The following NTRK2 variants were observed in gnomAD, a reference collection of about 807,000 sequenced individuals.
NTRK2 encodes the protein neurotrophic receptor tyrosine kinase 2.
Under a neutral mutation model 94.5 loss-of-function variants are expected in NTRK2, and 13 were observed. The observed-to-expected ratio is 0.14, with a 90% CI of 0.09 to 0.22. The LOEUF is 0.22. Ranked by LOEUF, NTRK2 falls within the 10% of genes least tolerant of loss-of-function variation. The pLI is 1.00. For synonymous variants in NTRK2, 372 were observed against 407.4 expected (o/e 0.91, Z 1.05); for missense variants, 639 against 1,071.2 (o/e 0.60, Z 5.63).
At position 84,727,973 on chromosome 9, in the gene NTRK2, A is replaced by G; in HGVS notation, c.1159+14A>G. On this transcript the variant is annotated intron_variant, in intron 9 of 18. Coordinates refer to ENST00000277120, the MANE Select transcript of NTRK2 (RefSeq NM_006180.6). Reference sequence around the variant, plus strand: ...GAATTGACGATGGTGAGTAACTGACACTTTTGTATGTGGGGAGAAGATAAA... The same window carrying G: ...GAATTGACGATGGTGAGTAACTGACGCTTTTGTATGTGGGGAGAAGATAAA... 1 of 1,611,394 alleles carries G rather than the reference A, an allele frequency of 6.2e-7. No homozygotes were observed. The highest frequency in any genetic ancestry group is 8.5e-7 in the Non-Finnish European group (1 of 1,177,560).
intron 12 of NTRK2, among the ~76,000 whole-genome samples, chr9:84,800,410 A>G (rs1415431922): frequency 2.0e-5 from 3 of 152,186 alleles, no homozygotes; most frequent in African/African-American, 7.2e-5. Context: ...CATGTTGGCC[A>G]GGCTGGTCTT....
intron 12 of NTRK2, among the ~76,000 whole-genome samples, chr9:84,772,825 G>A (rs547282790): frequency 6.6e-6 from 1 of 152,276 alleles, no homozygotes; most frequent in African/African-American, 2.4e-5. Flanking sequence ...GCTCGTGTTG[G>A]GGTGGCATGG....
At chr9:84,742,044 A>C in intron 10 of NTRK2, 117 bp downstream of exon 10, 1 of 839,814 alleles carries the variant, frequency 1.2e-6, no homozygotes. Flanking sequence ...TAAGCATTAC[A>C]TAGGCCAAAA....
chr9:84,811,090 C>T, intron 12 of NTRK2: 1 of 1,069,470 alleles, frequency 9.4e-7, no homozygotes, highest in Non-Finnish European at 1.1e-6. Flanking sequence ...GCACTGAATT[C>T]AGAGGGTTTG....
Position 84,802,183 on chromosome 9 carries a change from AGT to A in NTRK2, c.1396+50101_1396+50102del, listed in dbSNP as rs1387697225. Among the ~76,000 whole-genome samples, 3 of 152,060 alleles carry A rather than the reference AGT, an allele frequency of 2.0e-5. No individual in the cohort carries two copies. The East Asian group carries it at 5.8e-4, about 29-fold the overall frequency. On this transcript the variant is annotated intron_variant, in intron 12 of 18. Coordinates refer to ENST00000277120, the MANE Select transcript of NTRK2 (RefSeq NM_006180.6). Reference sequence around the variant, plus strand: ...AAAATCTAAAATGCATTTTTTTTCCAGTGTCTTAGGTCTGGTTGATTTTTAGC... The same window carrying A: ...AAAATCTAAAATGCATTTTTTTTCCAGTCTTAGGTCTGGTTGATTTTTAGC...
chr9:84,668,533 T>G (rs1164012374), upstream of NTRK2: 1 of 152,214 alleles, frequency 6.6e-6, no homozygotes, highest in Non-Finnish European at 1.5e-5. Flanking sequence ...GAAAAACAGA[T>G]TCCGAGCCGC....
chr9:84,931,144 C>T (rs1398355753), intron 14 of NTRK2, among the ~76,000 whole-genome samples: 1 of 152,188 alleles, frequency 6.6e-6, no homozygotes, highest in African/African-American at 2.4e-5. Context: ...CGGTGGCTCA[C>T]ACCTGTAATC....
intron 2 of NTRK2, among the ~76,000 whole-genome samples, chr9:84,691,888 G>C (rs1429244880): frequency 6.6e-6 from 1 of 152,160 alleles, no homozygotes; most frequent in African/African-American, 2.4e-5. Context: ...TGGTCCTCTT[G>C]TGAGCCTGCC....
At position 84,692,274 on chromosome 9, in the gene NTRK2, G is replaced by GTA. The variant is rs534037854; in HGVS notation, c.213-9883_213-9882dup. On this transcript the variant is annotated intron_variant, in intron 2 of 18. Transcript: ENST00000277120. ...CCATCCCTTGCTTCTCCTGGGAATTGTATTTACCATTATACCAACTATCAA... is the reference window on the plus strand; with the variant it reads ...CCATCCCTTGCTTCTCCTGGGAATTGTATATTTACCATTATACCAACTATCAA... Among the ~76,000 whole-genome samples, 261 of 152,168 alleles carry GTA rather than the reference G, an allele frequency of 1.7e-3. 1 individual carries two copies. The highest frequency in any genetic ancestry group is 2.6e-3 in the Non-Finnish European group (175 of 68,012).
intron 6 of NTRK2, among the ~76,000 whole-genome samples, chr9:84,717,160 A>G (rs184252781): frequency 7.5e-4 from 114 of 152,326 alleles, no homozygotes; most frequent in South Asian, 1.9e-3. Flanking sequence ...CAGAGAACAG[A>G]CAACATTATA....
At chr9:84,741,813 T>G in intron 9 of NTRK2, 79 bp from the exon 10 acceptor site, 1 of 1,211,224 alleles carries the variant, frequency 8.3e-7, no homozygotes, top group Non-Finnish European at 1.2e-6. Context: ...ATGTCTAGCT[T>G]ATTTTAGTTG....
chr9:84,942,805 G>A (rs2078457606), intron 15 of NTRK2, among the ~76,000 whole-genome samples: 1 of 151,256 alleles, frequency 6.6e-6, no homozygotes, highest in Non-Finnish European at 1.5e-5. Flanking sequence ...ATCTCAATTT[G>A]GACTTGCCAA....
intron 17 of NTRK2, among the ~76,000 whole-genome samples, chr9:84,980,410 A>G (rs143950561): frequency 6.6e-6 from 1 of 152,334 alleles, no homozygotes; most frequent in African/African-American, 2.4e-5. Flanking sequence ...CTTGAAAAAT[A>G]TGAACATTAT....
At chr9:84,962,818 A>G (rs963450430) in intron 17 of NTRK2, among the ~76,000 whole-genome samples, 4 of 152,230 alleles carry the variant, frequency 2.6e-5, no homozygotes, top group African/African-American at 9.6e-5. Flanking sequence ...AGGGAAGAGC[A>G]TCCAATTTGG....
intron 17 of NTRK2, among the ~76,000 whole-genome samples, chr9:84,999,277 C>T (rs1057505436): frequency 9.9e-5 from 15 of 152,148 alleles, no homozygotes; most frequent in African/African-American, 3.6e-4. Context: ...GCATAAGATG[C>T]TCAGAGTCCT....
At chr9:84,961,352 A>G (rs1824902754) in intron 17 of NTRK2, among the ~76,000 whole-genome samples, 1 of 152,228 alleles carries the variant, frequency 6.6e-6, no homozygotes, top group African/African-American at 2.4e-5. Context: ...TCTTTTGATT[A>G]AAGTGTACTT....
At chr9:84,774,797 T>A (rs967777768) in intron 12 of NTRK2, among the ~76,000 whole-genome samples, 1 of 152,150 alleles carries the variant, frequency 6.6e-6, no homozygotes, top group Non-Finnish European at 1.5e-5. Context: ...AAATAGTCAC[T>A]AACATAATGA....
chr9:84,741,801 G>T, intron 9 of NTRK2, 91 bp from the exon 10 acceptor site: 1 of 1,072,158 alleles, frequency 9.3e-7, no homozygotes, highest in Non-Finnish European at 1.4e-6. Flanking sequence ...AAACTTCAGT[G>T]TATGTCTAGC....
intron 17 of NTRK2, among the ~76,000 whole-genome samples, chr9:84,958,599 T>C (rs1824481590): frequency 6.6e-6 from 1 of 152,154 alleles, no homozygotes; most frequent in African/African-American, 2.4e-5. Context: ...TAGGGTTAGT[T>C]TTTGTTTGAT....
Sources: gnomAD v4.1 joint callset for allele counts (sites outside exome capture counted in the v4.1 genomes callset) on GRCh38, gnomAD v4.1.1 for gene constraint, MANE v1.5 for transcripts, NCBI Gene and HGNC (gene_info 2026-07-23, HGNC 2026-07-21) for gene names.